The following ATP11C variants were observed in gnomAD, a reference collection of about 807,000 sequenced individuals.
ATP11C encodes the protein phospholipid-transporting ATPase IG.
Under a neutral mutation model 97.4 loss-of-function variants are expected in ATP11C, and 36 were observed. The ratio of observed to expected loss-of-function variants is 0.37; its 90% CI spans 0.28 to 0.49. The LOEUF (loss-of-function observed/expected upper bound fraction) is 0.49, where lower values mean the gene tolerates loss of function less well. ATP11C is among the 20% of genes least tolerant of loss of function. The probability of loss-of-function intolerance (pLI) is 0.98; values close to 1 mark genes in which losing one functional copy is unlikely to be tolerated. For synonymous variants in ATP11C, 275 were observed against 290.9 expected, an observed-to-expected ratio of 0.95 and a Z score of 0.56; for missense variants, 730 against 824.6, an observed-to-expected ratio of 0.89 and a Z score of 1.40.
intron 1 of ATP11C, among the ~76,000 whole-genome samples, chrX:139,911,889 A>T: frequency 9.0e-6 from 1 of 110,880 alleles, no homozygotes; most frequent in South Asian, 3.9e-4. Flanking sequence ...AAAGAATCTT[A>T]GCAGGCCAGG....
At chrX:139,934,584 A>G (rs1477644298), upstream of ATP11C, among the ~76,000 whole-genome samples, 11 of 83,931 alleles carry the variant, frequency 1.3e-4, no homozygotes, top group African/African-American at 5.4e-4. Context: ...AGACAGTCTC[A>G]CTCTGTCACC....
At chrX:139,835,491 G>A (rs1300931769) in intron 1 of ATP11C, among the ~76,000 whole-genome samples, 1 of 108,984 alleles carries the variant, frequency 9.2e-6, no homozygotes, top group Non-Finnish European at 1.9e-5. Flanking sequence ...TGCAACCTCC[G>A]CCTCCTGGGT....
chrX:139,740,590 T>C (rs1227435808), intron 27 of ATP11C, among the ~76,000 whole-genome samples: 3 of 112,055 alleles, frequency 2.7e-5, no homozygotes, highest in Non-Finnish European at 5.6e-5. Flanking sequence ...TTATATACTA[T>C]CAAGAGAAAA....
intron 23 of ATP11C, among the ~76,000 whole-genome samples, chrX:139,757,234 C>T (rs775077164): frequency 9.0e-6 from 1 of 111,196 alleles, no homozygotes; most frequent in South Asian, 3.7e-4. Flanking sequence ...CGCTGTATTT[C>T]GCTATACCTC....
chrX:139,857,790 T>C (rs1411876284), intron 1 of ATP11C, among the ~76,000 whole-genome samples: 1 of 106,418 alleles, frequency 9.4e-6, no homozygotes, highest in Non-Finnish European at 1.9e-5. Context: ...AATTTTTAAA[T>C]TAAAAAAAAA....
In ATP11C at chrX:139,932,080, C is replaced by A; in HGVS notation, c.-38G>T. The A allele has an allele frequency of 1.8e-6, 2 of 1,135,269 alleles. No homozygotes were observed. The highest frequency in any genetic ancestry group is 2.3e-6 in the Non-Finnish European group (2 of 853,889). The allele number at this position is 1,135,269 out of a possible 1,213,427, so 93.6% of individuals were successfully genotyped here. On this transcript the variant is annotated 5_prime_UTR_variant, in exon 1 of 30. Transcript: ENST00000682941. ...TGCCGGGCGCTGAGCTGGGCTCTAC[C>A]GGGCTGTCTGGGAAGGCGCCGTCCA...
chrX:139,867,549 T>C (rs975094931), intron 1 of ATP11C, among the ~76,000 whole-genome samples: 2 of 111,307 alleles, frequency 1.8e-5, no homozygotes, highest in African/African-American at 6.5e-5. Flanking sequence ...TATAACCCAG[T>C]GTGGTGAATA....
rs1297422290 is a variant in ATP11C, at chrX:139,863,114, T to G, written c.28-36291A>C. On this transcript the variant is annotated intron_variant, in intron 1 of 29. Transcript: ENST00000682941. ...CAAAATTATACCATGTGCTACATAA[T>G]GACTTGTTCAGGGAAAAGAATTCTA... 6.2e-5 allele frequency among the ~76,000 whole-genome samples: 7 copies of G among 112,190 alleles called. No homozygotes were observed. In the East Asian group the frequency reaches 1.9e-3, roughly 31 times the overall value.
chrX:139,879,397 G>A, intron 1 of ATP11C, among the ~76,000 whole-genome samples: 1 of 110,636 alleles, frequency 9.0e-6, no homozygotes, highest in Non-Finnish European at 1.9e-5. Context: ...CTAGAGGACA[G>A]TTATGCTAAG....
intron 1 of ATP11C, among the ~76,000 whole-genome samples, chrX:139,833,236 C>T (rs1362515810): frequency 8.9e-6 from 1 of 111,943 alleles, no homozygotes; most frequent in Non-Finnish European, 1.9e-5. Flanking sequence ...ATACAAAAAG[C>T]AAACTGGCTT....
chrX:139,837,826 T>C (rs2083770855), intron 1 of ATP11C, among the ~76,000 whole-genome samples: 1 of 112,310 alleles, frequency 8.9e-6, no homozygotes, highest in Non-Finnish European at 1.9e-5. Context: ...TATTCTACAA[T>C]GTTCTGCTGA....
At chrX:139,766,990 A>G (rs1399828313) in intron 20 of ATP11C, among the ~76,000 whole-genome samples, 1 of 111,712 alleles carries the variant, frequency 9.0e-6, no homozygotes, top group Non-Finnish European at 1.9e-5. Context: ...ATGGAAGACC[A>G]TGGAAGAACA....
intron 1 of ATP11C, among the ~76,000 whole-genome samples, chrX:139,901,404 C>T (rs933850608): frequency 9.0e-6 from 1 of 111,717 alleles, no homozygotes; most frequent in African/African-American, 3.3e-5. Flanking sequence ...TAGACATGTT[C>T]CTTTTGCACC....
At chrX:139,769,281 C>CATATATAT (rs55984113) in intron 19 of ATP11C, among the ~76,000 whole-genome samples, 312 of 28,058 alleles carry the variant, frequency 0.011, 9 homozygotes, top group Non-Finnish European at 0.015. Context: ...GGCAAACATA[C>CATATATAT]ATATATATAT....
chrX:139,812,809 T>G (rs1181517445), intron 5 of ATP11C, among the ~76,000 whole-genome samples: 2 of 112,133 alleles, frequency 1.8e-5, no homozygotes, highest in East Asian at 5.6e-4. Flanking sequence ...CGTAAGCCAC[T>G]GTACTCAGTC....
chrX:139,854,337 CGTATTATCCTAACTTGTAACAT>C (rs1433352934), intron 1 of ATP11C, among the ~76,000 whole-genome samples: 1 of 112,328 alleles, frequency 8.9e-6, no homozygotes, highest in Non-Finnish European at 1.9e-5. Flanking sequence ...TAAAAGTTAA[CGTATTATCCTAACTTGTAACAT>C]GTATTATCCT....
intron 28 of ATP11C, chrX:139,732,461 T>C (rs767324438): frequency 5.4e-5 from 20 of 367,265 alleles, no homozygotes; most frequent in South Asian, 4.8e-4. Flanking sequence ...GAAACTGTGA[T>C]TGCTGGAAGT....
chrX:139,858,690 C>T (rs2147980225), intron 1 of ATP11C, among the ~76,000 whole-genome samples: 1 of 112,085 alleles, frequency 8.9e-6, no homozygotes, highest in African/African-American at 3.2e-5. Flanking sequence ...TATTATTATC[C>T]CCATTGTACA....
At chrX:139,834,794 T>G (rs1223976317) in intron 1 of ATP11C, among the ~76,000 whole-genome samples, 1 of 112,043 alleles carries the variant, frequency 8.9e-6, no homozygotes, top group Admixed American at 9.4e-5. Flanking sequence ...AAGTTAATAA[T>G]GAGGTTCCTT....
Sources: gnomAD v4.1 joint callset for allele counts (sites outside exome capture counted in the v4.1 genomes callset) on GRCh38, gnomAD v4.1.1 for gene constraint, MANE v1.5 for transcripts, NCBI Gene and HGNC (gene_info 2026-07-23, HGNC 2026-07-21) for gene names.